The following SMCHD1 variants were observed in gnomAD, a reference collection of about 807,000 sequenced individuals.
SMCHD1 encodes structural maintenance of chromosomes flexible hinge domain-containing protein 1.
A neutral mutation model predicts 254.7 loss-of-function variants in SMCHD1; 78 were observed. The ratio of observed to expected loss-of-function variants is 0.31; its 90% CI spans 0.26 to 0.37. The LOEUF is 0.37. SMCHD1 is among the 10% of genes least tolerant of loss of function. The pLI is 1.00. For missense variants in SMCHD1, 1,840 were observed against 2,408.1 expected (o/e 0.76, Z 4.94); for synonymous variants, 766 against 794.9 (o/e 0.96, Z 0.61).
intron 37 of SMCHD1, among the ~76,000 whole-genome samples, chr18:2,767,847 C>T (rs1943252374): frequency 6.6e-6 from 1 of 152,060 alleles, no homozygotes; most frequent in South Asian, 2.1e-4. Context: ...ACCTCGGCCT[C>T]CCAAAGTGCT....
intron 44 of SMCHD1, among the ~76,000 whole-genome samples, chr18:2,781,149 C>T (rs918709597): frequency 6.6e-6 from 1 of 152,222 alleles, no homozygotes; most frequent in Non-Finnish European, 1.5e-5. Flanking sequence ...ACTGGGGACA[C>T]CCCCTCTGTG....
intron 3 of SMCHD1, among the ~76,000 whole-genome samples, chr18:2,669,716 G>T (rs756027635): frequency 6.6e-6 from 1 of 152,162 alleles, no homozygotes; most frequent in African/African-American, 2.4e-5. Flanking sequence ...TTTATCTCTT[G>T]AAGTCCAGTT....
rs2074100147 is a variant in SMCHD1, at chr18:2,688,425, G to C, written c.670G>C (p.Val224Leu). ...TTCAGGATATGTTCGTCCAGTACCA[G>C]TGCCACGCAGTTTAAATAGTGATAT... The part of the protein sequence containing the change: ...DHSGYVRPVP[V>L]PRSLNSDISY... Residue 224 changes from valine (V) to leucine (L), a missense_variant, in exon 6 of 48, where the codon GTG (valine) becomes CTG (leucine). Around this residue, in one of 9 missense-constraint regions of SMCHD1, gnomAD observed 498 missense variants for 743.5 expected, o/e 0.67. Transcript: ENST00000320876. 6.2e-7 allele frequency: 1 copy of C among 1,613,596 alleles called. No individual in the cohort carries two copies. Among genetic ancestry groups the C allele is most frequent in the South Asian group, 1.1e-5 (1 of 91,078 alleles).
At chr18:2,712,096 G>T (rs1333991841) in intron 17 of SMCHD1, among the ~76,000 whole-genome samples, 1 of 152,100 alleles carries the variant, frequency 6.6e-6, no homozygotes, top group Non-Finnish European at 1.5e-5. Context: ...TCAGCCTCAG[G>T]TATTCCTTTA....
chr18:2,739,349 A>T (rs2075306258), intron 26 of SMCHD1, 83 bp from the exon 27 acceptor site: 4 of 915,046 alleles, frequency 4.4e-6, no homozygotes, highest in Non-Finnish European at 7.2e-6. Flanking sequence ...TATGAACATT[A>T]TATATGTGTT....
intron 5 of SMCHD1, among the ~76,000 whole-genome samples, chr18:2,686,383 C>G (rs999082260): frequency 6.6e-6 from 1 of 152,128 alleles, no homozygotes; most frequent in African/African-American, 2.4e-5. Flanking sequence ...AATCAGAAAT[C>G]TGAAATACTT....
At chr18:2,756,229 ATGT>A (rs2075675651) in intron 34 of SMCHD1, among the ~76,000 whole-genome samples, 2 of 152,320 alleles carry the variant, frequency 1.3e-5, no homozygotes, top group Admixed American at 1.3e-4. Context: ...CAATTTTATC[ATGT>A]TGTATTATTT....
In SMCHD1 at chr18:2,762,198, A is replaced by G. The variant is rs1414820517; in HGVS notation, c.4528A>G (p.Ser1510Gly). 1.2e-6 allele frequency: 2 copies of G among 1,611,192 alleles called. No individual in the cohort carries two copies. Among genetic ancestry groups the G allele is most frequent in the Admixed American group, 1.7e-5 (1 of 59,798 alleles). Residue 1510 changes from serine (S) to glycine (G), a missense_variant, in exon 36 of 48, where the codon AGT becomes GGT. Around this residue, in one of 9 missense-constraint regions of SMCHD1, gnomAD observed 881 missense variants for 1,009.5 expected, o/e 0.87. Transcript: ENST00000320876. ...TGTTTCAAATGTTCGCTCAGTTGCCAGTAGGACCTTGGTCAGAGATCTACA... is the reference window on the plus strand; with the variant it reads ...TGTTTCAAATGTTCGCTCAGTTGCCGGTAGGACCTTGGTCAGAGATCTACA... ...PAVSNVRSVASRTLVRDLHLS... is the reference protein window; with the variant it reads ...PAVSNVRSVAGRTLVRDLHLS...
intron 29 of SMCHD1, 22 bp downstream of exon 29, chr18:2,743,950 C>A: frequency 6.4e-7 from 1 of 1,565,252 alleles, no homozygotes; most frequent in South Asian, 1.2e-5. Flanking sequence ...CATGTCTTCA[C>A]TGAAAGAATT....
Position 2,803,108 on chromosome 18 carries a change from T to A in SMCHD1, c.*556T>A, listed in dbSNP as rs2076392385. The stretch of plus-strand genomic sequence containing the variant: ...GTATTTGGGAATTGAAATGTTAAGA[T>A]ACCCAGAACAACATTAAATCAATGA... On this transcript the variant is annotated 3_prime_UTR_variant, in exon 48 of 48. Coordinates refer to ENST00000320876, the MANE Select transcript of SMCHD1 (RefSeq NM_015295.3). 1 of 150,972 alleles carries A rather than the reference T, an allele frequency of 6.6e-6. No individual in the cohort carries two copies. The highest frequency in any genetic ancestry group is 6.6e-5 in the Admixed American group (1 of 15,104). 9.4% of individuals were successfully genotyped at this position (150,972 alleles called of 1,614,324 possible). A position where few individuals can be genotyped will look rare whatever the true frequency, so the allele number is the denominator to read the frequency against.
At chr18:2,784,760 T>C in intron 45 of SMCHD1, 139 bp downstream of exon 45, 1 of 976,228 alleles carries the variant, frequency 1.0e-6, no homozygotes, top group Non-Finnish European at 1.6e-6. Flanking sequence ...TGTTTTTGTC[T>C]ACTACTTTCA....
intron 3 of SMCHD1, among the ~76,000 whole-genome samples, chr18:2,671,295 C>T (rs375936978): frequency 1.9e-4 from 29 of 152,070 alleles, no homozygotes; most frequent in African/African-American, 6.8e-4. Flanking sequence ...ATAGAGTCAA[C>T]AGAAGTATTT....
At chr18:2,745,443 T>G (rs2075435230) in intron 29 of SMCHD1, among the ~76,000 whole-genome samples, 1 of 152,234 alleles carries the variant, frequency 6.6e-6, no homozygotes, top group Non-Finnish European at 1.5e-5. Context: ...TTGATCTTTT[T>G]CACTTGTGAG....
In SMCHD1 at chr18:2,771,569, T is replaced by C; in HGVS notation, c.5003T>C (p.Leu1668Ser). ...GAAGCAAGATTAAAAGAGGCCCAAT[T>C]GCGAAATGAACTAAAAATACATAAT... Reference protein sequence around the residue: ...VEEARLKEAQLRNELKIHNID... With the variant: ...VEEARLKEAQSRNELKIHNID... Residue 1668 changes from leucine to serine, a missense_variant, in exon 40 of 48, where the codon TTG becomes TCG. This residue lies in a region of SMCHD1 where 881 missense variants were observed against 1,009.5 expected (regional missense o/e 0.87). Coordinates refer to ENST00000320876, the MANE Select transcript of SMCHD1 (RefSeq NM_015295.3). The C allele has an allele frequency of 1.9e-6, 3 of 1,567,314 alleles. No individual in the cohort carries two copies. The highest frequency in any genetic ancestry group is 2.6e-6 in the Non-Finnish European group (3 of 1,167,166).
intron 5 of SMCHD1, among the ~76,000 whole-genome samples, chr18:2,675,052 C>T (rs900900198): frequency 6.6e-6 from 1 of 152,180 alleles, no homozygotes; most frequent in African/African-American, 2.4e-5. Context: ...ACTTACTAAT[C>T]GTGTGACATT....
rs2075476031 is a variant in SMCHD1 at position 2,747,418 on chromosome 18, A to G, written c.3802-104A>G. The G allele has an allele frequency of 2.9e-6, 3 of 1,037,766 alleles. No individual in the cohort carries two copies. The South Asian group carries it at 7.6e-5, about 26-fold the overall frequency. The allele number at this position is 1,037,766 out of a possible 1,614,324, so 64.3% of individuals were successfully genotyped here. On this transcript the variant is annotated intron_variant, in intron 29 of 47. Coordinates refer to ENST00000320876, the MANE Select transcript of SMCHD1 (RefSeq NM_015295.3). ...CATTGACCAAAGAAGCCATTTGCAA[A>G]TAGAACAGAGATAAATTAAGTGATC...
chr18:2,700,740 A>T lies in SMCHD1; in HGVS notation c.1469A>T (p.Asp490Val), dbSNP rs1405329768. Residue 490 changes from aspartate (D) to valine (V), a missense_variant, in exon 12 of 48, where the codon GAC becomes GTC. By Grantham distance (152) the Asp-to-Val change is radical. This residue lies in a region of SMCHD1 where 498 missense variants were observed against 743.5 expected (regional missense o/e 0.67). Transcript: ENST00000320876. Reference protein sequence around the residue: ...LIPYTSVEDFDWCTPPKKRGL... With the variant: ...LIPYTSVEDFVWCTPPKKRGL... ...AACATTTTGTTCTGTTCAAGCTTTG[A>T]CTGGTGTACTCCTCCTAAGAAGAGA... is the stretch of plus-strand genomic sequence containing the variant. 6.2e-7 allele frequency: 1 copy of T among 1,608,764 alleles called. No homozygotes were observed. The highest frequency in any genetic ancestry group is 1.1e-5 in the South Asian group (1 of 90,378).
chr18:2,701,098 A>G (rs2074389119), intron 12 of SMCHD1, 180 bp downstream of exon 12: 1 of 464,170 alleles, frequency 2.2e-6, no homozygotes, highest in East Asian at 3.2e-5. Flanking sequence ...TTTTTTAGTA[A>G]TGACTAAACC....
At chr18:2,776,704 TCTCATTAAGAGTCTACTATGTCAGTAAA>T (rs1267843434) in intron 42 of SMCHD1, among the ~76,000 whole-genome samples, 6 of 152,242 alleles carry the variant, frequency 3.9e-5, no homozygotes, top group African/African-American at 1.4e-4. Flanking sequence ...GAGAATGGTG[TCTCATTAAGAGTCTACTATGTCAGTAAA>T]CTTGTTATTT....
Sources: allele counts gnomAD v4.1 joint callset (sites outside exome capture counted in the v4.1 genomes callset), GRCh38; gene constraint gnomAD v4.1.1; regional missense constraint gnomAD v4.1.1; transcripts MANE v1.5; gene names NCBI Gene and HGNC (gene_info 2026-07-23, HGNC 2026-07-21).